Variants in PTPRS observed in about 807,000 individuals in gnomAD.
The protein encoded by PTPRS is protein tyrosine phosphatase receptor type S, also known as receptor-type tyrosine-protein phosphatase S.
PTPRS carries 63 observed loss-of-function variants against 215.3 expected under a neutral mutation model. The observed-to-expected ratio is 0.29, with a 90% CI of 0.24 to 0.36. The LOEUF is 0.36. Ranked by LOEUF, PTPRS falls within the 10% of genes least tolerant of loss-of-function variation. The probability of loss-of-function intolerance (pLI) is 1.00; values close to 1 mark genes in which losing one functional copy is unlikely to be tolerated. For missense variants in PTPRS, 2,258 were observed against 2,825.8 expected, an observed-to-expected ratio of 0.80 and a Z score of 4.56; for synonymous variants, 1,404 against 1,191.4, an observed-to-expected ratio of 1.18 and a Z score of -3.68.
rs541203627 is a variant in PTPRS, at chr19:5,214,648, A to C, written c.4407T>G (p.Pro1469=). 1 of 1,613,278 alleles carries C rather than the reference A, an allele frequency of 6.2e-7. No homozygotes were observed. Among genetic ancestry groups the C allele is most frequent in the South Asian group, 1.1e-5 (1 of 91,084 alleles). ...TACGCCAGAAGTCCCCAAAGGTCTC[A>C]GGCAGCGGCCCCTGCGTGGCAATGT... ...NAYIATQGPL[P]ETFGDFWRMV... Residue 1469 remains proline, a synonymous_variant, in exon 29 of 38, where the codon CCT becomes CCG. Transcript: ENST00000262963.
intron 16 of PTPRS, among the ~76,000 whole-genome samples, chr19:5,228,367 A>C (rs1451180582): frequency 1.6e-5 from 2 of 128,474 alleles, no homozygotes; most frequent in Non-Finnish European, 1.7e-5. Flanking sequence ...AAAAAAAGAG[A>C]CAGGGTCTCC....
At chr19:5,228,756 C>T (rs1025253942) in intron 16 of PTPRS, among the ~76,000 whole-genome samples, 4 of 152,226 alleles carry the variant, frequency 2.6e-5, no homozygotes, top group African/African-American at 9.6e-5. Flanking sequence ...CCCCAAGTCA[C>T]ACAGCAATTC....
chr19:5,239,044 G>C lies in PTPRS; in HGVS notation c.1724C>G (p.Pro575Arg), dbSNP rs185326821. Residue 575 changes from proline to arginine, a missense_variant, in exon 13 of 38, where the codon CCG (proline) becomes CGG (arginine). Physicochemically the swap from Pro to Arg is moderately radical, Grantham distance 103. Transcript: ENST00000262963. ...HGREVGRTFD[P>R]TTSYVVEDLK... ...GTCCTCCACCACGTAGGAAGTCGTCGGGTCGAAGGTCCTTCCCACCTGGGG... is the reference window on the plus strand; with the variant it reads ...GTCCTCCACCACGTAGGAAGTCGTCCGGTCGAAGGTCCTTCCCACCTGGGG... 8 of 1,613,298 alleles carry C rather than the reference G, an allele frequency of 5.0e-6. No homozygotes were observed. Among genetic ancestry groups the C allele is most frequent in the Non-Finnish European group, 6.8e-6 (8 of 1,179,722 alleles).
chr19:5,268,149 G>A (rs913237298), intron 4 of PTPRS, among the ~76,000 whole-genome samples: 9 of 151,928 alleles, frequency 5.9e-5, no homozygotes, highest in South Asian at 2.1e-4. Context: ...CAGCCTGGGC[G>A]ACAGAGCAAG....
At chr19:5,228,515 C>T (rs1030855268) in intron 16 of PTPRS, among the ~76,000 whole-genome samples, 1 of 151,824 alleles carries the variant, frequency 6.6e-6, no homozygotes, top group African/African-American at 2.4e-5. Context: ...CAGGCTGTTT[C>T]GTATTATTAG....
chr19:5,316,486 G>T (rs560292470), intron 1 of PTPRS, among the ~76,000 whole-genome samples: 2 of 152,202 alleles, frequency 1.3e-5, no homozygotes, highest in East Asian at 3.9e-4. Flanking sequence ...TCGGCCTCCC[G>T]GGTTCAAGCA....
At position 5,206,810 on chromosome 19, in the gene PTPRS, C is replaced by T; in HGVS notation, c.5811G>A (p.Leu1937=). The change falls in exon 38 of 38, where the codon CTG becomes CTA. Residue 1937 remains leucine, a synonymous_variant. Transcript: ENST00000262963. ...AGTGGTCAAAGCTTCCGAGGTACTC[C>T]AGTGCCGCCTGGTAACAGAACTGGT... ...DEYQFCYQAA[L]EYLGSFDHYA... The T allele has an allele frequency of 6.2e-7, 1 of 1,614,150 alleles. No individual in the cohort carries two copies. Among genetic ancestry groups the T allele is most frequent in the Non-Finnish European group, 8.5e-7 (1 of 1,179,992 alleles).
chr19:5,268,030 C>T (rs2046573392), intron 4 of PTPRS, among the ~76,000 whole-genome samples: 1 of 152,080 alleles, frequency 6.6e-6, no homozygotes, highest in South Asian at 2.1e-4. Context: ...ATTAGCCGGG[C>T]TTGGTGACGG....
intron 1 of PTPRS, among the ~76,000 whole-genome samples, chr19:5,289,624 C>G (rs78771822): frequency 0.039 from 5,960 of 152,306 alleles, 167 homozygotes; most frequent in Middle Eastern, 0.075. Flanking sequence ...CCGCATGGGC[C>G]TCCTTGCTAT....
intron 20 of PTPRS, among the ~76,000 whole-genome samples, chr19:5,220,595 T>C (rs1461902171): frequency 1.3e-5 from 2 of 152,198 alleles, no homozygotes; most frequent in Non-Finnish European, 2.9e-5. Context: ...TAAACTCCTA[T>C]ACATCCTTCA....
chr19:5,322,452 G>A (rs1417720316), intron 1 of PTPRS, among the ~76,000 whole-genome samples: 1 of 152,156 alleles, frequency 6.6e-6, no homozygotes, highest in Non-Finnish European at 1.5e-5. Flanking sequence ...GTGAGAATGC[G>A]GGGGTGGGAG....
At position 5,244,314 on chromosome 19, in the gene PTPRS, C is replaced by T. The variant is rs2145954481; in HGVS notation, c.1157G>A (p.Arg386His). Residue 386 changes from arginine to histidine, a missense_variant, in exon 11 of 38, where the codon CGT (arginine) becomes CAT (histidine). By Grantham distance (29) the Arg-to-His change is conservative. Around this residue, in one of 6 missense-constraint regions of PTPRS, gnomAD observed 508 missense variants for 799.4 expected, o/e 0.64. Coordinates refer to ENST00000262963, the MANE Select transcript of PTPRS (RefSeq NM_002850.4). The surrounding 1 kb of genome is among the most constrained non-coding windows in gnomAD (Gnocchi z 7.2). ...GGGGCTCAGGCCGCCGATGCTGTAA[C>T]GTGTGGTGGTGATGTCCTCTTTAAT... ...YQIKEDITTT[R>H]YSIGGLSPNS... 3 of 1,614,190 alleles carry T rather than the reference C, an allele frequency of 1.9e-6. No homozygotes were observed. Among genetic ancestry groups the T allele is most frequent in the East Asian group, 2.2e-5 (1 of 44,884 alleles).
rs2041777083 is a variant in PTPRS, at chr19:5,219,425, T to C, written c.3808A>G (p.Asn1270Asp). The change falls in exon 23 of 38, where the codon AAC (asparagine) becomes GAC (aspartate). Residue 1270 changes from asparagine to aspartate, a missense_variant. Physicochemically the swap from Asn to Asp is conservative, Grantham distance 23. This residue lies in a region of PTPRS where 927 missense variants were observed against 1,125.9 expected (regional missense o/e 0.82). Transcript: ENST00000262963. ...TCCACGATGGGCTGGGGGTCCGGGT[T>C]ATCCAGCTGGAAGGGGTCTGAGAAG... ...SPFSDPFQLD[N>D]PDPQPIVDGE... 8 of 1,611,200 alleles carry C rather than the reference T, an allele frequency of 5.0e-6. No individual in the cohort carries two copies. Among genetic ancestry groups the C allele is most frequent in the Non-Finnish European group, 6.8e-6 (8 of 1,178,718 alleles).
At chr19:5,216,554 A>G (rs2041475782) in intron 26 of PTPRS, among the ~76,000 whole-genome samples, 166 bp downstream of exon 26, 1 of 151,994 alleles carries the variant, frequency 6.6e-6, no homozygotes, top group Admixed American at 6.5e-5. Flanking sequence ...TGAGGGCCCA[A>G]TGGACCAACC....
chr19:5,209,103 T>A (rs1266465250), intron 35 of PTPRS, among the ~76,000 whole-genome samples: 1 of 152,060 alleles, frequency 6.6e-6, no homozygotes, highest in Non-Finnish European at 1.5e-5. Context: ...CGTCCCGAGT[T>A]CCACCCAACA....
intron 11 of PTPRS, among the ~76,000 whole-genome samples, chr19:5,242,218 C>T (rs2044099824): frequency 6.6e-6 from 1 of 152,066 alleles, no homozygotes; most frequent in African/African-American, 2.4e-5. Flanking sequence ...CAAATGCCAA[C>T]AGGGGTGAGG....
Position 5,245,654 on chromosome 19 carries a change from T to A in PTPRS, c.988+122A>T, listed in dbSNP as rs28429927. On this transcript the variant is annotated intron_variant, in intron 10 of 37. Coordinates refer to ENST00000262963, the MANE Select transcript of PTPRS (RefSeq NM_002850.4). ...AGAACAACCGTCCCCTTCCTAGCCATGAATGACTGAAGCCAAGAGGGTAAC... is the reference window on the plus strand; with the variant it reads ...AGAACAACCGTCCCCTTCCTAGCCAAGAATGACTGAAGCCAAGAGGGTAAC... 7 of 1,382,630 alleles carry A rather than the reference T, an allele frequency of 5.1e-6. No individual in the cohort carries two copies. In the Admixed American group the frequency reaches 1.4e-4, roughly 28 times the overall value. The allele number at this position is 1,382,630 out of a possible 1,614,324, so 85.6% of individuals were successfully genotyped here. A position where few individuals can be genotyped will look rare whatever the true frequency, so the allele number is the denominator to read the frequency against.
At chr19:5,329,622 G>C (rs540850114) in intron 1 of PTPRS, among the ~76,000 whole-genome samples, 1 of 151,956 alleles carries the variant, frequency 6.6e-6, no homozygotes. Flanking sequence ...AAAATTAGCC[G>C]GGTGTAATAG....
At position 5,295,053 on chromosome 19, in the gene PTPRS, GC is replaced by G. The variant is rs2049093409; in HGVS notation, c.-94-8820del. On this transcript the variant is annotated intron_variant, in intron 1 of 37. Transcript: ENST00000262963. The surrounding 1 kb of genome is among the most constrained non-coding windows in gnomAD (Gnocchi z 4.6). The stretch of plus-strand genomic sequence containing the variant: ...CCCAACTTGGCTGGGCACACAGTGG[GC>G]CCTCAGGAGCAGAGTAGGCACCTTG... Among the ~76,000 whole-genome samples, 1 of 152,146 alleles carries G rather than the reference GC, an allele frequency of 6.6e-6. No homozygotes were observed. Among genetic ancestry groups the G allele is most frequent in the Non-Finnish European group, 1.5e-5 (1 of 68,036 alleles).
Sources: allele counts gnomAD v4.1 joint callset (sites outside exome capture counted in the v4.1 genomes callset), GRCh38; gene constraint gnomAD v4.1.1; regional missense constraint gnomAD v4.1.1; non-coding constraint Gnocchi (gnomAD v3.1); transcripts MANE v1.5; gene names NCBI Gene and HGNC (gene_info 2026-07-23, HGNC 2026-07-21).